Variants in RIPK4 observed in about 807,000 individuals in gnomAD.
RIPK4 encodes the protein receptor interacting serine/threonine kinase 4.
In RIPK4, 17 loss-of-function variants were observed where a neutral mutation model predicts 42.9. The ratio of observed to expected loss-of-function variants is 0.40; its 90% confidence interval spans 0.27 to 0.59. The LOEUF (loss-of-function observed/expected upper bound fraction) is 0.59, where lower values mean the gene tolerates loss of function less well. RIPK4 is among the 20% of genes least tolerant of loss of function. The pLI is 0.47. For missense variants in RIPK4, 897 were observed against 1,104.4 expected, an observed-to-expected ratio of 0.81 and a Z score of 2.66; for synonymous variants, 498 against 499.1, an observed-to-expected ratio of 1.00 and a Z score of 0.03.
chr21:41,753,474 A>C (rs1042010483), intron 2 of RIPK4, among the ~76,000 whole-genome samples: 12 of 152,156 alleles, frequency 7.9e-5, no homozygotes, highest in African/African-American at 2.9e-4. Context: ...GAATTCTAGG[A>C]GGGTCACTGA....
In RIPK4 at chr21:41,750,985, C is replaced by T. The variant is rs949548287; in HGVS notation, c.623+112G>A. 13 of 1,397,188 alleles carry T rather than the reference C, an allele frequency of 9.3e-6. No individual in the cohort carries two copies. The Admixed American group carries it at 1.1e-4, about 11-fold the overall frequency. 86.5% of individuals were successfully genotyped at this position (1,397,188 alleles called of 1,614,324 possible). On this transcript the variant is annotated intron_variant, in intron 3 of 7. Transcript: ENST00000332512. ...GAGTCACCGCGCCTGGCCCGAGCCC[C>T]ATTTCTGACTGGCAGCAAGAGGCCT...
Position 41,756,506 on chromosome 21 carries a change from G to A in RIPK4, c.474+19C>T. 6.2e-7 allele frequency: 1 copy of A among 1,604,886 alleles called. No individual in the cohort carries two copies. Among genetic ancestry groups the A allele is most frequent in the Non-Finnish European group, 8.5e-7 (1 of 1,175,916 alleles). ...GGCCCTCCCTGCCCAGCTCTCTCGGGCACCGTGCGGCCCCCCACCTTGACG... is the reference window on the plus strand; with the variant it reads ...GGCCCTCCCTGCCCAGCTCTCTCGGACACCGTGCGGCCCCCCACCTTGACG... On this transcript the variant is annotated intron_variant, in intron 2 of 7. Coordinates refer to ENST00000332512, the MANE Select transcript of RIPK4 (RefSeq NM_020639.3).
chr21:41,749,700 T>C lies in RIPK4; in HGVS notation c.624-497A>G, dbSNP rs1256925206. ...CGTAGGCTTGCTGAGATTTCAGCGT[T>C]CCTAACAGAGGCTCACTGAGAGTTC... On this transcript the variant is annotated intron_variant, in intron 3 of 7. Coordinates refer to ENST00000332512, the MANE Select transcript of RIPK4 (RefSeq NM_020639.3). 2.6e-5 allele frequency among the ~76,000 whole-genome samples: 4 copies of C among 152,132 alleles called. No individual in the cohort carries two copies. In the East Asian group the frequency reaches 7.7e-4, roughly 29 times the overall value.
intron 1 of RIPK4, 104 bp downstream of exon 1, chr21:41,766,756 G>C: frequency 8.1e-7 from 1 of 1,232,258 alleles, no homozygotes; most frequent in Admixed American, 2.5e-5. Flanking sequence ...AGCTGCTCCG[G>C]GGGTGAGTTC....
rs112353108 is a variant in RIPK4, at chr21:41,755,455, C to A, written c.474+1070G>T. The stretch of plus-strand genomic sequence containing the variant: ...AGGGAGCGGCCGTGCGCATGCCATA[C>A]GAGCCACCGCTCCCGTCCCACCCAA... On this transcript the variant is annotated intron_variant, in intron 2 of 7. Coordinates refer to ENST00000332512, the MANE Select transcript of RIPK4 (RefSeq NM_020639.3). The surrounding 1 kb of genome is among the most constrained non-coding windows in gnomAD (Gnocchi z 4.2). 5.9e-5 allele frequency among the ~76,000 whole-genome samples: 9 copies of A among 152,186 alleles called. No homozygotes were observed. Among genetic ancestry groups the A allele is most frequent in the South Asian group, 2.1e-4 (1 of 4,832 alleles).
At position 41,755,520 on chromosome 21, in the gene RIPK4, C is replaced by T. The variant is rs1228508261; in HGVS notation, c.474+1005G>A. Among the ~76,000 whole-genome samples the T allele has an allele frequency of 6.6e-6, 1 of 152,166 alleles. No homozygotes were observed. The highest frequency in any genetic ancestry group is 1.9e-4 in the East Asian group (1 of 5,188). ...GGCCGGGCCCTGAATTCAGGTCTCT[C>T]CTAATTAATGGTCAGGCCATCAGAG... On this transcript the variant is annotated intron_variant, in intron 2 of 7. Transcript: ENST00000332512. This position sits in a 1 kb window ranked among gnomAD's most constrained non-coding sequence, Gnocchi z 4.2.
intron 1 of RIPK4, among the ~76,000 whole-genome samples, chr21:41,763,094 C>T (rs552655621): frequency 2.6e-5 from 4 of 152,154 alleles, no homozygotes; most frequent in Admixed American, 6.5e-5. Flanking sequence ...CACGCAGGAA[C>T]GGGAAAAGCC....
intron 4 of RIPK4, among the ~76,000 whole-genome samples, chr21:41,747,209 T>C (rs748874016): frequency 6.6e-6 from 1 of 152,158 alleles, no homozygotes; most frequent in Non-Finnish European, 1.5e-5. Flanking sequence ...CTCTCTACAA[T>C]GGCGAAGAAG....
At chr21:41,753,449 C>G (rs2061194353) in intron 2 of RIPK4, among the ~76,000 whole-genome samples, 1 of 152,186 alleles carries the variant, frequency 6.6e-6, no homozygotes, top group Admixed American at 6.5e-5. Context: ...CAACAAAATG[C>G]AAGCTCGGAA....
intron 5 of RIPK4, chr21:41,746,241 G>T: frequency 1.7e-6 from 1 of 585,998 alleles, no homozygotes; most frequent in Non-Finnish European, 3.2e-6. Flanking sequence ...AGACACATCT[G>T]TCCCAGGAAG....
rs768367063 is a variant in RIPK4, at chr21:41,751,712, C to T, written c.475-467G>A. ...GCAACCTGCCAGCTGGGGAGGCTGG[C>T]GGGCAAGTGGCTGCAAGTCCTTTAA... On this transcript the variant is annotated intron_variant, in intron 2 of 7. Transcript: ENST00000332512. This position sits in a 1 kb window ranked among gnomAD's most constrained non-coding sequence, Gnocchi z 4.5. Among the ~76,000 whole-genome samples, 2 of 152,178 alleles carry T rather than the reference C, an allele frequency of 1.3e-5. No homozygotes were observed. The highest frequency in any genetic ancestry group is 2.9e-5 in the Non-Finnish European group (2 of 68,028).
At chr21:41,766,246 C>T (rs1262881400) in intron 1 of RIPK4, among the ~76,000 whole-genome samples, 2 of 152,238 alleles carry the variant, frequency 1.3e-5, no homozygotes, top group Non-Finnish European at 2.9e-5. Flanking sequence ...GGAGCTCCAC[C>T]GCGCAAGCGC....
chr21:41,744,348 A>G, intron 6 of RIPK4, among the ~76,000 whole-genome samples: 2 of 151,596 alleles, frequency 1.3e-5, no homozygotes, highest in East Asian at 3.9e-4. Context: ...CGCCATGTCC[A>G]CACAGCGCCG....
chr21:41,741,359 CG>C lies in RIPK4; in HGVS notation c.1833del (p.Ala612HisfsTer55). On this transcript the variant is annotated frameshift_variant, in exon 8 of 8. Transcript: ENST00000332512. LOFTEE classifies it low-confidence loss of function (END_TRUNC). ...TLDGRTPLHL[A>X]AQRGHYRVAR... ...GCCACGCGGTAGTGCCCGCGCTGTG[CG>C]GCCAGGTGCAATGGCGTCCTCCCAT... 1 of 1,611,514 alleles carries C rather than the reference CG, an allele frequency of 6.2e-7. No homozygotes were observed. Among genetic ancestry groups the C allele is most frequent in the Non-Finnish European group, 8.5e-7 (1 of 1,179,818 alleles).
intron 1 of RIPK4, 132 bp from the exon 2 acceptor site, chr21:41,756,948 C>T (rs1000105303): frequency 1.1e-6 from 1 of 876,368 alleles, no homozygotes; most frequent in Non-Finnish European, 1.7e-6. Flanking sequence ...ATGGGGCACA[C>T]TTCAATGTCA....
rs370166351 is a variant in RIPK4, at chr21:41,751,082, C to T, written c.623+15G>A. ...CCTGGCACCCACAGGGGATGGGGGGCGGCATGTCACACACCTGTATACATC... is the reference window on the plus strand; with the variant it reads ...CCTGGCACCCACAGGGGATGGGGGGTGGCATGTCACACACCTGTATACATC... On this transcript the variant is annotated intron_variant, in intron 3 of 7. Transcript: ENST00000332512. The surrounding 1 kb of genome is among the most constrained non-coding windows in gnomAD (Gnocchi z 4.5). 58 of 1,606,632 alleles carry T rather than the reference C, an allele frequency of 3.6e-5. No individual in the cohort carries two copies. In the African/African-American group the frequency reaches 4.1e-4, roughly 11 times the overall value.
At chr21:41,766,262 G>A (rs925357885) in intron 1 of RIPK4, among the ~76,000 whole-genome samples, 3 of 152,238 alleles carry the variant, frequency 2.0e-5, no homozygotes, top group Admixed American at 6.5e-5. Flanking sequence ...AGCGCCGGGC[G>A]CCCGGGAAGC....
At chr21:41,752,089 C>T (rs985834645) in intron 2 of RIPK4, among the ~76,000 whole-genome samples, 1 of 152,140 alleles carries the variant, frequency 6.6e-6, no homozygotes, top group African/African-American at 2.4e-5. Context: ...AGTGTCCTAC[C>T]CTCTCCAGTG....
chr21:41,762,586 TGCA>T (rs1569107626), intron 1 of RIPK4, among the ~76,000 whole-genome samples: 1 of 152,230 alleles, frequency 6.6e-6, no homozygotes, highest in Non-Finnish European at 1.5e-5. Flanking sequence ...TGCAACAAGC[TGCA>T]AGAAGAGGCT....
Sources: allele counts gnomAD v4.1 joint callset (sites outside exome capture counted in the v4.1 genomes callset), GRCh38; gene constraint gnomAD v4.1.1; non-coding constraint Gnocchi (gnomAD v3.1); transcripts MANE v1.5; gene names NCBI Gene and HGNC (gene_info 2026-07-23, HGNC 2026-07-21).